The following ENOX1 variants were observed in gnomAD, a reference collection of about 807,000 sequenced individuals.
ENOX1 encodes candidate growth-related and time keeping constitutive hydroquinone (NADH) oxidase.
A neutral mutation model predicts 82.5 loss-of-function variants in ENOX1; 42 were observed. That is an observed-to-expected ratio of 0.51 (90% CI 0.40 to 0.66). The LOEUF is 0.66. ENOX1 is among the 30% of genes least tolerant of loss of function. ENOX1 has a pLI of 0.00. For synonymous variants in ENOX1, 271 were observed against 282.2 expected (o/e 0.96, Z 0.40); for missense variants, 608 against 811.6 (o/e 0.75, Z 3.05).
intron 15 of ENOX1, among the ~76,000 whole-genome samples, chr13:43,227,937 T>C (rs1475806352): frequency 6.6e-6 from 1 of 151,924 alleles, no homozygotes; most frequent in Admixed American, 6.6e-5. Flanking sequence ...GTACCTTGCC[T>C]CTCCTCAGCC....
chr13:43,293,872 T>C (rs552297123), intron 12 of ENOX1, among the ~76,000 whole-genome samples: 2 of 152,342 alleles, frequency 1.3e-5, no homozygotes, highest in Admixed American at 1.3e-4. Flanking sequence ...TCATCTTCCA[T>C]AAAATTAGTC....
intron 12 of ENOX1, among the ~76,000 whole-genome samples, chr13:43,279,546 A>G (rs2045255220): frequency 1.3e-5 from 2 of 152,236 alleles, no homozygotes; most frequent in Non-Finnish European, 2.9e-5. Context: ...TGATTTTCTT[A>G]ACACTGTAAT....
intron 1 of ENOX1, among the ~76,000 whole-genome samples, chr13:43,745,483 C>A (rs1949974443): frequency 6.6e-6 from 1 of 152,100 alleles, no homozygotes; most frequent in Non-Finnish European, 1.5e-5. Flanking sequence ...TTTGAAACTT[C>A]CTTTAATCAT....
chr13:43,710,180 T>C (rs773635229), intron 1 of ENOX1, among the ~76,000 whole-genome samples: 4 of 152,094 alleles, frequency 2.6e-5, no homozygotes, highest in Non-Finnish European at 5.9e-5. Context: ...GGAAAGACAG[T>C]GGCAGGGCAA....
intron 1 of ENOX1, among the ~76,000 whole-genome samples, chr13:43,707,944 G>A (rs775923299): frequency 3.3e-5 from 5 of 151,840 alleles, no homozygotes; most frequent in Admixed American, 1.3e-4. Flanking sequence ...TGGGAGAGGG[G>A]TCCCCCTTAT....
intron 14 of ENOX1, among the ~76,000 whole-genome samples, chr13:43,261,032 C>T (rs536874488): frequency 6.6e-6 from 1 of 152,300 alleles, no homozygotes; most frequent in African/African-American, 2.4e-5. Context: ...CTGGCCCTAA[C>T]AGTTTTAAAT....
chr13:43,352,602 G>A (rs367723402), intron 8 of ENOX1, among the ~76,000 whole-genome samples: 1 of 152,226 alleles, frequency 6.6e-6, no homozygotes, highest in Non-Finnish European at 1.5e-5. Flanking sequence ...TTTCTGAGCA[G>A]TTACTTCCCA....
chr13:43,665,905 T>G lies in ENOX1; in HGVS notation c.-219+1574A>C, dbSNP rs575972143. Among the ~76,000 whole-genome samples, 5 of 144,140 alleles carry G rather than the reference T, an allele frequency of 3.5e-5. No homozygotes were observed. In the East Asian group the frequency reaches 1.0e-3, roughly 30 times the overall value. The allele number at this position is 144,140 out of a possible 152,430, so 94.6% of individuals were successfully genotyped here. On this transcript the variant is annotated intron_variant, in intron 2 of 16. Transcript: ENST00000690772. ...TGCCATTCGCTAATTCAACAAATAT[T>G]AAGCAGCAGGCACCATACTAGATGC...
chr13:43,724,074 T>G (rs1217776425), intron 1 of ENOX1, among the ~76,000 whole-genome samples: 1 of 152,184 alleles, frequency 6.6e-6, no homozygotes, highest in Non-Finnish European at 1.5e-5. Flanking sequence ...GCATAAATCA[T>G]ACATGACATC....
chr13:43,239,786 A>G (rs2042726437), intron 14 of ENOX1, among the ~76,000 whole-genome samples: 1 of 152,248 alleles, frequency 6.6e-6, no homozygotes, highest in Non-Finnish European at 1.5e-5. Flanking sequence ...AAGACAGGAT[A>G]GTGATTTTAG....
chr13:43,728,935 GA>G (rs1269869409), intron 1 of ENOX1, among the ~76,000 whole-genome samples: 1 of 152,200 alleles, frequency 6.6e-6, no homozygotes, highest in African/African-American at 2.4e-5. Flanking sequence ...GACTGGGAAA[GA>G]AAGACTGGGA....
chr13:43,321,169 G>C lies in ENOX1; in HGVS notation c.1261+1215C>G, dbSNP rs370088686. The C allele has an allele frequency of 1.3e-4, 60 of 456,162 alleles. No individual in the cohort carries two copies. In the East Asian group the frequency reaches 4.0e-3, roughly 31 times the overall value. The allele number at this position is 456,162 out of a possible 1,614,324, so 28.3% of individuals were successfully genotyped here. A position where few individuals can be genotyped will look rare whatever the true frequency, so the allele number is the denominator to read the frequency against. On this transcript the variant is annotated intron_variant, in intron 11 of 16. Coordinates refer to ENST00000690772, the MANE Select transcript of ENOX1 (RefSeq NM_001347969.2). ...TCTAAGGCAGTGGTTCTCAAACTTT[G>C]GCATGCATCAGAATTTCCTATAGGG... is the stretch of plus-strand genomic sequence containing the variant.
chr13:43,684,861 T>C (rs975833734), intron 1 of ENOX1, among the ~76,000 whole-genome samples: 4 of 152,128 alleles, frequency 2.6e-5, no homozygotes, highest in Middle Eastern at 3.2e-3. Flanking sequence ...AATTACAAAA[T>C]AGGAATGCAT....
intron 1 of ENOX1, among the ~76,000 whole-genome samples, chr13:43,763,358 C>A (rs1190013112): frequency 6.6e-6 from 1 of 152,122 alleles, no homozygotes; most frequent in African/African-American, 2.4e-5. Flanking sequence ...GTAAAGGGGG[C>A]AAGGGAGTGC....
At chr13:43,609,860 TTAATCTAC>T (rs1190705902) in intron 2 of ENOX1, 5 of 933,088 alleles carry the variant, frequency 5.4e-6, no homozygotes, top group Non-Finnish European at 6.4e-6. Context: ...AAGAAAAACA[TTAATCTAC>T]TACTAGGGAC....
intron 1 of ENOX1, among the ~76,000 whole-genome samples, chr13:43,769,861 A>T (rs1951488518): frequency 6.6e-6 from 1 of 152,240 alleles, no homozygotes; most frequent in Non-Finnish European, 1.5e-5. Flanking sequence ...AGGTTCAGAG[A>T]CTTAAAAACA....
chr13:43,490,340 C>T (rs2076578171), intron 2 of ENOX1, among the ~76,000 whole-genome samples: 1 of 152,146 alleles, frequency 6.6e-6, no homozygotes, highest in South Asian at 2.1e-4. Flanking sequence ...TGCCTTGAGT[C>T]TCACCCATAG....
chr13:43,698,560 T>G (rs2086755362), intron 1 of ENOX1, among the ~76,000 whole-genome samples: 1 of 152,204 alleles, frequency 6.6e-6, no homozygotes, highest in Non-Finnish European at 1.5e-5. Context: ...TTTTGAAAAT[T>G]TAAAATACTA....
intron 2 of ENOX1, among the ~76,000 whole-genome samples, chr13:43,588,672 A>G (rs1397669638): frequency 6.6e-6 from 1 of 152,188 alleles, no homozygotes; most frequent in Non-Finnish European, 1.5e-5. Context: ...GATAGACTAC[A>G]CTAGTTTCAA....
Sources: gnomAD v4.1 joint callset for allele counts (sites outside exome capture counted in the v4.1 genomes callset) on GRCh38, gnomAD v4.1.1 for gene constraint, MANE v1.5 for transcripts, NCBI Gene and HGNC (gene_info 2026-07-23, HGNC 2026-07-21) for gene names.